The following SERGEF variants were observed in gnomAD, a reference collection of about 807,000 sequenced individuals.
SERGEF encodes the protein secretion-regulating guanine nucleotide exchange factor.
In SERGEF, 51 loss-of-function variants were observed where a neutral mutation model predicts 50.0. That is an observed-to-expected ratio of 1.02 (90% confidence interval 0.81 to 1.29). The LOEUF is 1.29. Ranked by LOEUF, SERGEF falls within the 50% of genes most tolerant of loss-of-function variation. The probability of loss-of-function intolerance (pLI) is 0.00; values close to 1 mark genes in which losing one functional copy is unlikely to be tolerated. For synonymous variants in SERGEF, 205 were observed against 212.4 expected (o/e 0.97, Z 0.30); for missense variants, 521 against 557.0 (o/e 0.94, Z 0.65).
chr11:17,869,600 TG>T lies in SERGEF; in HGVS notation c.1048+8607del, dbSNP rs772200377. Reference sequence around the variant, plus strand: ...GGCAAAAGGGGTGAACAAGCTCCCTTGGACCTCTTTTATAAGGGTACTAACA... The same window carrying T: ...GGCAAAAGGGGTGAACAAGCTCCCTTGACCTCTTTTATAAGGGTACTAACA... On this transcript the variant is annotated intron_variant, in intron 10 of 10. Transcript: ENST00000265965. Among the ~76,000 whole-genome samples, 3 of 152,180 alleles carry T rather than the reference TG, an allele frequency of 2.0e-5. No homozygotes were observed. The South Asian group carries it at 6.2e-4, about 32-fold the overall frequency.
intron 3 of SERGEF, among the ~76,000 whole-genome samples, chr11:18,004,787 G>A (rs759457025): frequency 8.5e-5 from 13 of 152,134 alleles, no homozygotes; most frequent in Admixed American, 6.5e-5. Context: ...TCAGTGCCTC[G>A]TATTGGGATG....
chr11:18,004,266 A>T (rs1460440931), intron 4 of SERGEF, among the ~76,000 whole-genome samples, 175 bp downstream of exon 4: 4 of 152,252 alleles, frequency 2.6e-5, no homozygotes, highest in Non-Finnish European at 5.9e-5. Flanking sequence ...GTTTTCATTC[A>T]CAACGTTTAC....
intron 10 of SERGEF, among the ~76,000 whole-genome samples, chr11:17,861,460 AT>A (rs1850925029): frequency 6.6e-6 from 1 of 152,216 alleles, no homozygotes; most frequent in East Asian, 1.9e-4. Flanking sequence ...CTTACACTAC[AT>A]TATGCTGCTT....
At chr11:17,891,577 T>G (rs770825930) in intron 9 of SERGEF, among the ~76,000 whole-genome samples, 87 of 152,284 alleles carry the variant, frequency 5.7e-4, no homozygotes, top group Admixed American at 9.1e-4. Flanking sequence ...ATGTTAAGCC[T>G]GGAAAAAAAG....
intron 8 of SERGEF, among the ~76,000 whole-genome samples, chr11:17,976,653 GGCAA>G (rs1033216569): frequency 6.6e-6 from 1 of 151,966 alleles, no homozygotes; most frequent in African/African-American, 2.4e-5. Context: ...CCTGAGAAAG[GGCAA>G]GCAGAGTGCC....
chr11:17,815,759 T>G lies in SERGEF; in HGVS notation c.1049-27346A>C, dbSNP rs1366131749. 6.5e-5 allele frequency among the ~76,000 whole-genome samples: 9 copies of G among 138,078 alleles called. No individual in the cohort carries two copies. In the East Asian group the frequency reaches 2.0e-3, roughly 31 times the overall value. 90.6% of individuals were successfully genotyped at this position (138,078 alleles called of 152,430 possible). A position where few individuals can be genotyped will look rare whatever the true frequency, so the allele number is the denominator to read the frequency against. On this transcript the variant is annotated intron_variant, in intron 10 of 10. Coordinates refer to ENST00000265965, the MANE Select transcript of SERGEF (RefSeq NM_012139.4). ...CAACATGGTGAAACCTCGTCCCTAC[T>G]AAAAATACAAAAATTAGCTGGGCGT... is the stretch of plus-strand genomic sequence containing the variant.
intron 10 of SERGEF, among the ~76,000 whole-genome samples, chr11:17,800,049 TC>T (rs1157399033): frequency 6.6e-6 from 1 of 152,182 alleles, no homozygotes; most frequent in East Asian, 1.9e-4. Context: ...TCTTTTTTTT[TC>T]TAAACAGTAA....
chr11:17,804,541 G>T (rs1164324506), intron 10 of SERGEF, among the ~76,000 whole-genome samples: 1 of 146,818 alleles, frequency 6.8e-6, no homozygotes, highest in Non-Finnish European at 1.5e-5. Context: ...TTTACGCCAA[G>T]TATTTGTTTG....
chr11:17,950,724 C>A (rs576674846), intron 9 of SERGEF, among the ~76,000 whole-genome samples: 1 of 152,348 alleles, frequency 6.6e-6, no homozygotes, highest in African/African-American at 2.4e-5. Context: ...CAGCAGACCA[C>A]TGAAGCCTCC....
chr11:18,005,897 A>C (rs1405424112), intron 3 of SERGEF, among the ~76,000 whole-genome samples: 2 of 151,962 alleles, frequency 1.3e-5, no homozygotes, highest in African/African-American at 4.8e-5. Context: ...GGCAACCACT[A>C]TTGCCTCATA....
chr11:17,806,641 A>T (rs558068823), intron 10 of SERGEF, among the ~76,000 whole-genome samples: 10 of 152,178 alleles, frequency 6.6e-5, no homozygotes, highest in Non-Finnish European at 1.3e-4. Flanking sequence ...TAGAGATTCA[A>T]TTATTCTAAT....
At chr11:17,845,025 G>A (rs554954822) in intron 10 of SERGEF, among the ~76,000 whole-genome samples, 34 of 152,260 alleles carry the variant, frequency 2.2e-4, no homozygotes, top group African/African-American at 7.0e-4. Flanking sequence ...CTCGCTGCCC[G>A]TGGGTTAGCA....
chr11:17,965,594 C>T (rs1237659095), intron 8 of SERGEF, among the ~76,000 whole-genome samples: 1 of 152,198 alleles, frequency 6.6e-6, no homozygotes, highest in Non-Finnish European at 1.5e-5. Context: ...TTTATAAATG[C>T]ACACTCATTA....
At chr11:18,011,056 T>C (rs1854184372) in intron 1 of SERGEF, among the ~76,000 whole-genome samples, 1 of 151,860 alleles carries the variant, frequency 6.6e-6, no homozygotes, top group South Asian at 2.1e-4. Context: ...CGAAGGGAAA[T>C]TTAACACAAC....
chr11:17,977,856 G>A (rs1853410253), intron 8 of SERGEF, among the ~76,000 whole-genome samples: 2 of 152,142 alleles, frequency 1.3e-5, no homozygotes, highest in South Asian at 4.1e-4. Context: ...AAATCTTCTG[G>A]TATTTTGATT....
intron 10 of SERGEF, among the ~76,000 whole-genome samples, chr11:17,841,697 A>G (rs1168428668): frequency 2.6e-5 from 4 of 152,166 alleles, no homozygotes; most frequent in South Asian, 4.1e-4. Context: ...AAATCCTTCT[A>G]TGATTACTAT....
At chr11:17,992,895 A>G in intron 7 of SERGEF, 36 bp downstream of exon 7, 1 of 1,567,264 alleles carries the variant, frequency 6.4e-7, no homozygotes, top group Non-Finnish European at 8.8e-7. Flanking sequence ...CAGAATCCTG[A>G]ATGGCATGTT....
At chr11:17,934,687 A>G (rs1852417219) in intron 9 of SERGEF, among the ~76,000 whole-genome samples, 2 of 152,238 alleles carry the variant, frequency 1.3e-5, no homozygotes, top group South Asian at 2.1e-4. Context: ...CCTATGGAAG[A>G]AAGAGGAACT....
chr11:17,883,105 T>C (rs1851367008), intron 9 of SERGEF, among the ~76,000 whole-genome samples: 1 of 152,090 alleles, frequency 6.6e-6, no homozygotes, highest in Non-Finnish European at 1.5e-5. Flanking sequence ...AAGTCAGAGC[T>C]GCAAAAAACA....
Sources: allele counts gnomAD v4.1 joint callset (sites outside exome capture counted in the v4.1 genomes callset), GRCh38; gene constraint gnomAD v4.1.1; transcripts MANE v1.5; gene names NCBI Gene and HGNC (gene_info 2026-07-23, HGNC 2026-07-21).